The following FLRT2 variants were observed in gnomAD, a reference collection of about 807,000 sequenced individuals.
FLRT2 encodes the protein fibronectin leucine rich transmembrane protein 2.
A neutral mutation model predicts 40.0 loss-of-function variants in FLRT2; 15 were observed. The observed-to-expected ratio is 0.38, with a 90% CI of 0.25 to 0.58. The LOEUF (loss-of-function observed/expected upper bound fraction) is 0.58. Ranked by LOEUF, FLRT2 falls within the 20% of genes least tolerant of loss-of-function variation. The pLI, the probability that FLRT2 is intolerant of heterozygous loss-of-function variation, is 0.71. For missense variants in FLRT2, 726 were observed against 840.0 expected, an observed-to-expected ratio of 0.86 and a Z score of 1.68; for synonymous variants, 380 against 336.8, an observed-to-expected ratio of 1.13 and a Z score of -1.41.
At position 85,642,755 on chromosome 14, in the gene FLRT2, C is replaced by T. The variant is rs934077785; in HGVS notation, c.*19258C>T. 2 of 152,096 alleles carry T rather than the reference C, an allele frequency of 1.3e-5. No individual in the cohort carries two copies. Among genetic ancestry groups the T allele is most frequent in the African/African-American group, 2.4e-5 (1 of 41,404 alleles). The allele number at this position is 152,096 out of a possible 1,614,324, so 9.4% of individuals were successfully genotyped here. On this transcript the variant is annotated 3_prime_UTR_variant, in exon 2 of 2. Coordinates refer to ENST00000330753, the MANE Select transcript of FLRT2 (RefSeq NM_013231.6). ...GCTCAGAGTGATTATAATTGTTTTG[C>T]TTTCTGGATTGGTTGACTGAAATCT...
chr14:85,621,347 G>A lies in FLRT2; in HGVS notation c.-168G>A, dbSNP rs1380782925. Reference sequence around the variant, plus strand: ...CAAAGAGGGCAACACAGGCTGATAAGACCAGAGACAGCAGGGAGATTATTT... The same window carrying A: ...CAAAGAGGGCAACACAGGCTGATAAAACCAGAGACAGCAGGGAGATTATTT... On this transcript the variant is annotated 5_prime_UTR_variant, in exon 2 of 2. Transcript: ENST00000330753. 9.2e-6 allele frequency: 6 copies of A among 650,244 alleles called. No individual in the cohort carries two copies. Among genetic ancestry groups the A allele is most frequent in the Non-Finnish European group, 1.5e-5 (6 of 387,894 alleles). 40.3% of individuals were successfully genotyped at this position (650,244 alleles called of 1,614,324 possible). A position where few individuals can be genotyped will look rare whatever the true frequency, so the allele number is the denominator to read the frequency against.
rs1320987503 is a variant in FLRT2, at chr14:85,653,911, A to AAAGAAACTG, written c.*30415_*30423dup. 2 of 152,202 alleles carry AAAGAAACTG rather than the reference A, an allele frequency of 1.3e-5. No individual in the cohort carries two copies. The highest frequency in any genetic ancestry group is 2.9e-5 in the Non-Finnish European group (2 of 68,040). 9.4% of individuals were successfully genotyped at this position (152,202 alleles called of 1,614,324 possible). A position where few individuals can be genotyped will look rare whatever the true frequency, so the allele number is the denominator to read the frequency against. The stretch of plus-strand genomic sequence containing the variant: ...TACCTATTTTTTTAAATTGAAGTAC[A>AAAGAAACTG]AAGAAACTGTAGCTATAATTATCTT... On this transcript the variant is annotated 3_prime_UTR_variant, in exon 2 of 2. Transcript: ENST00000330753.
In FLRT2 at chr14:85,623,478, TG is replaced by T; in HGVS notation, c.1966del (p.Glu656SerfsTer18). On this transcript the variant is annotated frameshift_variant, in exon 2 of 2. Transcript: ENST00000330753. LOFTEE classifies it high-confidence loss of function. Reference protein sequence around the residue: ...MRYCNSSVPDLEHCHT With the variant: ...MRYCNSSVPDXEHCHT ...TACTGCAACAGCAGCGTGCCAGACC[TG>T]GAGCACTGCCATACGTGACAGCCAG... is the stretch of plus-strand genomic sequence containing the variant. The T allele has an allele frequency of 6.9e-7, 1 of 1,447,118 alleles. No homozygotes were observed. The highest frequency in any genetic ancestry group is 1.7e-5 in the South Asian group (1 of 57,168). 89.6% of individuals were successfully genotyped at this position (1,447,118 alleles called of 1,614,324 possible).
Position 85,622,638 on chromosome 14 carries a change from G to C in FLRT2, c.1124G>C (p.Ser375Thr), listed in dbSNP as rs778573919. 4 of 1,613,842 alleles carry C rather than the reference G, an allele frequency of 2.5e-6. No homozygotes were observed. In the South Asian group the frequency reaches 4.4e-5, roughly 18 times the overall value. The change falls in exon 2 of 2, where the codon AGT becomes ACT. Residue 375 changes from serine (S) to threonine (T), a missense_variant. Transcript: ENST00000330753. ...CTGCCTCTCTTCACCCCAGCCCCAA[G>C]TACAGCTTCTCCGACCACTCAGCCT... ...PGLPLFTPAP[S>T]TASPTTQPPT...
At position 85,531,263 on chromosome 14, in the gene FLRT2, G is replaced by A. The variant is rs957440188; in HGVS notation, c.-377+729G>A. On this transcript the variant is annotated intron_variant, in intron 1 of 1. Transcript: ENST00000330753. Reference sequence around the variant, plus strand: ...CGCTTGCGTGGGACGCAGGGAGAGGGCGAATAACGCCCTCAGGCGCTGAAT... The same window carrying A: ...CGCTTGCGTGGGACGCAGGGAGAGGACGAATAACGCCCTCAGGCGCTGAAT... The A allele has an allele frequency of 2.4e-4, 37 of 152,366 alleles. 2 individuals carry two copies. Among genetic ancestry groups the A allele is most frequent in the Admixed American group, 2.4e-3 (36 of 15,284 alleles). The allele number at this position is 152,366 out of a possible 1,614,324, so 9.4% of individuals were successfully genotyped here.
chr14:85,557,257 T>C (rs918671346), intron 1 of FLRT2, among the ~76,000 whole-genome samples: 7 of 151,790 alleles, frequency 4.6e-5, no homozygotes, highest in Non-Finnish European at 1.0e-4. Context: ...CCAGTGTTTT[T>C]TTTTTTCTGA....
At chr14:85,604,944 A>G (rs949038300) in intron 1 of FLRT2, among the ~76,000 whole-genome samples, 17 of 152,038 alleles carry the variant, frequency 1.1e-4, no homozygotes, top group Admixed American at 7.9e-4. Flanking sequence ...TGATTCTTTG[A>G]CACAGAGAGT....
rs1894389917 is a variant in FLRT2, at chr14:85,649,778, G to C, written c.*26281G>C. The C allele has an allele frequency of 6.6e-6, 1 of 152,000 alleles. No individual in the cohort carries two copies. The highest frequency in any genetic ancestry group is 1.5e-5 in the Non-Finnish European group (1 of 67,950). 9.4% of individuals were successfully genotyped at this position (152,000 alleles called of 1,614,324 possible). A position where few individuals can be genotyped will look rare whatever the true frequency, so the allele number is the denominator to read the frequency against. On this transcript the variant is annotated 3_prime_UTR_variant, in exon 2 of 2. Transcript: ENST00000330753. ...TTTCTTTACCTGAGTTGTATCAACA[G>C]TTTCAAAGGAGAGAGAGTGTTTTTG...
intron 1 of FLRT2, among the ~76,000 whole-genome samples, chr14:85,569,823 C>CA (rs1236772808): frequency 5.9e-5 from 9 of 152,054 alleles, no homozygotes; most frequent in Admixed American, 3.9e-4. Flanking sequence ...TTGCATTAGC[C>CA]AAAAAAATGA....
chr14:85,553,911 AACT>A (rs1302169677), intron 1 of FLRT2, among the ~76,000 whole-genome samples: 1 of 152,168 alleles, frequency 6.6e-6, no homozygotes, highest in Non-Finnish European at 1.5e-5. Flanking sequence ...CAGTTGTCCA[AACT>A]ACTTTAAAAA....
At chr14:85,596,204 C>T (rs991524994) in intron 1 of FLRT2, among the ~76,000 whole-genome samples, 1 of 152,188 alleles carries the variant, frequency 6.6e-6, no homozygotes, top group African/African-American at 2.4e-5. Context: ...GAACCTTTGC[C>T]GTTGTTTGTT....
At chr14:85,573,906 A>G (rs1365880923) in intron 1 of FLRT2, among the ~76,000 whole-genome samples, 2 of 152,222 alleles carry the variant, frequency 1.3e-5, no homozygotes, top group African/African-American at 2.4e-5. Flanking sequence ...CATCAGAGAA[A>G]TCTGGCTTGT....
chr14:85,583,570 G>A (rs1247540646), intron 1 of FLRT2, among the ~76,000 whole-genome samples: 1 of 152,160 alleles, frequency 6.6e-6, no homozygotes, highest in Non-Finnish European at 1.5e-5. Context: ...TAGATGCTGT[G>A]GAGAGACGCT....
intron 1 of FLRT2, among the ~76,000 whole-genome samples, chr14:85,606,283 G>A (rs1566752300): frequency 6.6e-6 from 1 of 152,176 alleles, no homozygotes; most frequent in Admixed American, 6.5e-5. Context: ...TGTTGAGGGT[G>A]TGAGAACACA....
chr14:85,541,849 G>A (rs1449500977), intron 1 of FLRT2, among the ~76,000 whole-genome samples: 5 of 152,104 alleles, frequency 3.3e-5, no homozygotes, highest in Non-Finnish European at 4.4e-5. Context: ...TCCTTCTGCC[G>A]ATGACACCAG....
Position 85,532,321 on chromosome 14 carries a change from T to C in FLRT2, c.-377+1787T>C, listed in dbSNP as rs377429325. On this transcript the variant is annotated intron_variant, in intron 1 of 1. Transcript: ENST00000330753. The stretch of plus-strand genomic sequence containing the variant: ...CTCCCTCTTCTGTTCAGATTCAGCC[T>C]CACCGGACTTGTTACAACATGACAG... Among the ~76,000 whole-genome samples the C allele has an allele frequency of 3.3e-5, 5 of 152,314 alleles. No homozygotes were observed. In the East Asian group the frequency reaches 5.8e-4, roughly 18 times the overall value.
At chr14:85,545,883 G>A (rs1889252263) in intron 1 of FLRT2, among the ~76,000 whole-genome samples, 1 of 152,148 alleles carries the variant, frequency 6.6e-6, no homozygotes, top group Admixed American at 6.5e-5. Flanking sequence ...AATGGACAAC[G>A]GAATGACCAG....
chr14:85,583,364 C>G (rs557123655), intron 1 of FLRT2, among the ~76,000 whole-genome samples: 1 of 152,268 alleles, frequency 6.6e-6, no homozygotes, highest in African/African-American at 2.4e-5. Flanking sequence ...CATTCAGAAG[C>G]CTTGCAGCTG....
intron 1 of FLRT2, among the ~76,000 whole-genome samples, chr14:85,557,155 ACAGAGTCAAAC>A (rs1890016859): frequency 6.6e-6 from 1 of 152,152 alleles, no homozygotes. Flanking sequence ...GGGTGGGGAC[ACAGAGTCAAAC>A]CATATCAGAT....
Sources: gnomAD v4.1 joint callset for allele counts (sites outside exome capture counted in the v4.1 genomes callset) on GRCh38, gnomAD v4.1.1 for gene constraint, MANE v1.5 for transcripts, NCBI Gene and HGNC (gene_info 2026-07-23, HGNC 2026-07-21) for gene names.